Variants in PHF8 observed in about 807,000 individuals in gnomAD.
The protein encoded by PHF8 is histone lysine demethylase PHF8.
PHF8 carries 9 observed loss-of-function variants against 74.4 expected under a neutral mutation model. The ratio of observed to expected loss-of-function variants is 0.12; its 90% CI spans 0.07 to 0.21. The LOEUF (loss-of-function observed/expected upper bound fraction) is 0.21. Ranked by LOEUF, PHF8 falls within the 10% of genes least tolerant of loss-of-function variation. The pLI, the probability that PHF8 is intolerant of heterozygous loss-of-function variation, is 1.00. For synonymous variants in PHF8, 311 were observed against 316.6 expected (o/e 0.98, Z 0.19); for missense variants, 478 against 816.6 (o/e 0.59, Z 5.05).
At chrX:53,945,933 C>G (rs1402970911) in intron 19 of PHF8, among the ~76,000 whole-genome samples, 2 of 112,138 alleles carry the variant, frequency 1.8e-5, no homozygotes, top group Non-Finnish European at 3.8e-5. Context: ...GTTATTCTGT[C>G]TACCAGCCAG....
At chrX:54,040,671 C>T (rs1272223205) in intron 2 of PHF8, among the ~76,000 whole-genome samples, 1 of 111,297 alleles carries the variant, frequency 9.0e-6, no homozygotes, top group African/African-American at 3.3e-5. Flanking sequence ...TTCAGTCTTG[C>T]TAGGACATAA....
Position 53,995,821 on chromosome X carries a change from AAG to A in PHF8, c.1234-41_1234-40del, listed in dbSNP as rs782352291. On this transcript the variant is annotated intron_variant, in intron 11 of 21. Transcript: ENST00000338154. ...GGCATGAGGAATAAACCCACACATAAAGAGACAACTGATTTTGGACAAATATG... is the reference window on the plus strand; with the variant it reads ...GGCATGAGGAATAAACCCACACATAAAGACAACTGATTTTGGACAAATATG... 1.8e-4 allele frequency: 158 copies of A among 857,115 alleles called. 1 individual carries two copies. In the Middle Eastern group the frequency reaches 8.6e-3, roughly 47 times the overall value. 70.6% of individuals were successfully genotyped at this position (857,115 alleles called of 1,213,427 possible).
At chrX:53,983,549 G>T (rs1323526722) in intron 18 of PHF8, among the ~76,000 whole-genome samples, 7 of 111,910 alleles carry the variant, frequency 6.3e-5, no homozygotes, top group African/African-American at 2.3e-4. Flanking sequence ...TTCATACACT[G>T]ATCATGTACT....
rs781824188 is a variant in PHF8, at chrX:54,017,779, G to A, written c.336C>T (p.Thr112=). The A allele has an allele frequency of 2.2e-5, 27 of 1,207,296 alleles. No homozygotes were observed. In the Admixed American group the frequency reaches 4.6e-4, roughly 21 times the overall value. Residue 112 remains threonine (T), a synonymous_variant, in exon 5 of 22, where the codon ACC becomes ACT. Coordinates refer to ENST00000338154, the MANE Select transcript of PHF8 (RefSeq NM_015107.3). Reference sequence around the variant, plus strand: ...AGCTATTTTCTTCCAGGAATTCCACGGTCAGTTGATTTCCAGTGGGCTTCA... The same window carrying A: ...AGCTATTTTCTTCCAGGAATTCCACAGTCAGTTGATTTCCAGTGGGCTTCA... The part of the protein sequence containing the change: ...VILKPTGNQL[T]VEFLEENSFS...
Position 53,968,937 on chromosome X carries a change from C to A in PHF8, c.2444-5998G>T, listed in dbSNP as rs782791473. 4.7e-3 allele frequency among the ~76,000 whole-genome samples: 524 copies of A among 110,345 alleles called. 4 individuals carry two copies. The highest frequency in any genetic ancestry group is 0.017 in the African/African-American group (504 of 30,355). ...AAATAAAAATAAAAGAACTGATAAACAAATTTAGTAAAGATGGCTGGGTGC... is the reference window on the plus strand; with the variant it reads ...AAATAAAAATAAAAGAACTGATAAAAAAATTTAGTAAAGATGGCTGGGTGC... On this transcript the variant is annotated intron_variant, in intron 18 of 21. Transcript: ENST00000338154.
intron 19 of PHF8, among the ~76,000 whole-genome samples, chrX:53,946,659 C>T (rs181420082): frequency 1.8e-5 from 2 of 112,051 alleles, no homozygotes; most frequent in Non-Finnish European, 3.8e-5. Context: ...CATTCAAATG[C>T]CACATGGACC....
intron 2 of PHF8, among the ~76,000 whole-genome samples, chrX:54,034,146 G>T (rs1434118435): frequency 9.0e-6 from 1 of 111,334 alleles, no homozygotes; most frequent in East Asian, 2.8e-4. Context: ...CTGAACAACA[G>T]AAAGAAAACA....
chrX:54,039,133 C>CAAAAA (rs61507959), intron 2 of PHF8, among the ~76,000 whole-genome samples: 1 of 42,617 alleles, frequency 2.3e-5, no homozygotes, highest in African/African-American at 7.5e-5. Context: ...GACTCTGTCT[C>CAAAAA]AAAAAAAAAA....
In PHF8 at chrX:53,937,955, G is replaced by A. The variant is rs782312030; in HGVS notation, c.*1203C>T. The stretch of plus-strand genomic sequence containing the variant: ...CCACGAAGGAAGGACAGGGGAAGGG[G>A]AGGATCGGATGGATGGTCTGCTCCT... On this transcript the variant is annotated 3_prime_UTR_variant, in exon 22 of 22. Transcript: ENST00000338154. The A allele has an allele frequency of 4.4e-6, 5 of 1,130,881 alleles. No homozygotes were observed. In the South Asian group the frequency reaches 9.6e-5, roughly 22 times the overall value. 93.2% of individuals were successfully genotyped at this position (1,130,881 alleles called of 1,213,427 possible).
At chrX:54,039,289 C>T (rs2066514163) in intron 2 of PHF8, among the ~76,000 whole-genome samples, 1 of 111,799 alleles carries the variant, frequency 8.9e-6, no homozygotes, top group African/African-American at 3.3e-5. Context: ...GAAGTACAAA[C>T]TTAAATGGCG....
intron 8 of PHF8, among the ~76,000 whole-genome samples, chrX:54,006,444 T>C (rs1416637007): frequency 9.0e-6 from 1 of 111,041 alleles, no homozygotes; most frequent in East Asian, 2.8e-4. Flanking sequence ...ATCTTACCAC[T>C]GCATTCCAGG....
chrX:54,000,046 G>T (rs2065805249), intron 10 of PHF8, 85 bp from the exon 11 acceptor site: 5 of 588,272 alleles, frequency 8.5e-6, no homozygotes, highest in African/African-American at 4.4e-5. Flanking sequence ...GACAACCAGA[G>T]AAAATGCTCA....
intron 13 of PHF8, chrX:53,993,114 G>C: frequency 2.7e-6 from 1 of 367,864 alleles, no homozygotes; most frequent in South Asian, 3.8e-5. Context: ...TCACAATCTT[G>C]AGGCAAGATG....
Position 53,940,255 on chromosome X carries a change from T to G in PHF8, c.2911A>C (p.Thr971Pro), listed in dbSNP as rs2064730313. ...FGMAQANRST[T>P]PMAPGVFLTQ... is the part of the protein sequence containing the mutation. Reference sequence around the variant, plus strand: ...AAGAAGACACCGGGGGCCATAGGTGTGGTGCTGCGGTTTGCCTGGGCCATG... The same window carrying G: ...AAGAAGACACCGGGGGCCATAGGTGGGGTGCTGCGGTTTGCCTGGGCCATG... Residue 971 changes from threonine (T) to proline (P), a missense_variant, in exon 21 of 22, where the codon ACA becomes CCA. By Grantham distance (38) the Thr-to-Pro change is conservative. This residue lies in a region of PHF8 where 75 missense variants were observed against 93.3 expected (regional missense o/e 0.80). Coordinates refer to ENST00000338154, the MANE Select transcript of PHF8 (RefSeq NM_015107.3). The G allele has an allele frequency of 8.4e-7, 1 of 1,197,230 alleles. No homozygotes were observed. Among genetic ancestry groups the G allele is most frequent in the African/African-American group, 1.8e-5 (1 of 56,895 alleles).
intron 10 of PHF8, among the ~76,000 whole-genome samples, chrX:54,000,402 T>C (rs1557103967): frequency 8.9e-6 from 1 of 112,283 alleles, no homozygotes; most frequent in African/African-American, 3.2e-5. Context: ...GGGCCATTAA[T>C]GTAGAAGATG....
intron 12 of PHF8, chrX:53,995,195 C>T (rs937082483): frequency 2.9e-6 from 1 of 342,355 alleles, no homozygotes; most frequent in Non-Finnish European, 5.9e-6. Flanking sequence ...ATCATCTTCA[C>T]CCCGAGAGAA....
chrX:54,035,295 T>C (rs2066432947), intron 2 of PHF8, among the ~76,000 whole-genome samples: 3 of 106,256 alleles, frequency 2.8e-5, no homozygotes, highest in African/African-American at 1.0e-4. Flanking sequence ...AGGCAGAGGT[T>C]GCAGTGAGCC....
intron 18 of PHF8, among the ~76,000 whole-genome samples, chrX:53,977,171 C>A (rs997228764): frequency 1.8e-5 from 2 of 109,229 alleles, no homozygotes; most frequent in Non-Finnish European, 3.8e-5. Flanking sequence ...CTCATCTCTA[C>A]TAGAAAAAAA....
At chrX:54,018,656 T>C (rs1449867407) in intron 4 of PHF8, among the ~76,000 whole-genome samples, 3 of 109,164 alleles carry the variant, frequency 2.7e-5, no homozygotes, top group Non-Finnish European at 5.7e-5. Context: ...GTTTTGCTCT[T>C]GTTGCCCAGG....
Sources: allele counts gnomAD v4.1 joint callset (sites outside exome capture counted in the v4.1 genomes callset), GRCh38; gene constraint gnomAD v4.1.1; regional missense constraint gnomAD v4.1.1; transcripts MANE v1.5; gene names NCBI Gene and HGNC (gene_info 2026-07-23, HGNC 2026-07-21).